Variants in LRRC4C observed in about 807,000 individuals in gnomAD.
LRRC4C encodes leucine rich repeat containing 4C.
A neutral mutation model predicts 33.6 loss-of-function variants in LRRC4C; 5 were observed. That is an observed-to-expected ratio of 0.15 (90% confidence interval 0.08 to 0.31). The LOEUF is 0.31. Ranked by LOEUF, LRRC4C falls within the 10% of genes least tolerant of loss-of-function variation. LRRC4C has a pLI of 1.00. For missense variants in LRRC4C, 560 were observed against 796.7 expected, an observed-to-expected ratio of 0.70 and a Z score of 3.58; for synonymous variants, 329 against 302.0, an observed-to-expected ratio of 1.09 and a Z score of -0.93.
chr11:40,932,098 A>G (rs1957654564), intron 2 of LRRC4C, among the ~76,000 whole-genome samples: 2 of 152,180 alleles, frequency 1.3e-5, no homozygotes, highest in South Asian at 4.1e-4. Flanking sequence ...GATATGGGAT[A>G]TAAAAGAGAA....
At chr11:41,389,345 C>G (rs1953489424) in intron 1 of LRRC4C, among the ~76,000 whole-genome samples, 1 of 151,762 alleles carries the variant, frequency 6.6e-6, no homozygotes, top group South Asian at 2.1e-4. Context: ...GTCCCTGATT[C>G]TGATTCTGAG....
At chr11:40,573,352 T>C (rs1256621963) in intron 3 of LRRC4C, among the ~76,000 whole-genome samples, 1 of 152,216 alleles carries the variant, frequency 6.6e-6, no homozygotes, top group East Asian at 1.9e-4. Context: ...TTTAGCTTCA[T>C]ATGTTCATCC....
At chr11:41,350,129 G>GA (rs1407974519) in intron 1 of LRRC4C, among the ~76,000 whole-genome samples, 1 of 152,178 alleles carries the variant, frequency 6.6e-6, no homozygotes, top group Admixed American at 6.5e-5. Context: ...GTATTATTAT[G>GA]AAATAGTTTT....
At chr11:40,463,945 T>C (rs986333262) in intron 3 of LRRC4C, among the ~76,000 whole-genome samples, 1 of 152,012 alleles carries the variant, frequency 6.6e-6, no homozygotes, top group African/African-American at 2.4e-5. Context: ...GAGAAATTAC[T>C]CTGAGAATAT....
At chr11:40,286,411 G>A (rs544261931) in intron 4 of LRRC4C, among the ~76,000 whole-genome samples, 2 of 152,158 alleles carry the variant, frequency 1.3e-5, no homozygotes, top group East Asian at 1.9e-4. Context: ...TCATAAGCCT[G>A]TGGCAAAGTT....
intron 2 of LRRC4C, among the ~76,000 whole-genome samples, chr11:40,684,430 T>C (rs1367065404): frequency 6.6e-6 from 1 of 151,976 alleles, no homozygotes; most frequent in East Asian, 1.9e-4. Context: ...TAACTCATAA[T>C]CAATCACATT....
chr11:40,872,599 C>T (rs1954706925), intron 2 of LRRC4C, among the ~76,000 whole-genome samples: 1 of 151,964 alleles, frequency 6.6e-6, no homozygotes, highest in Admixed American at 6.6e-5. Context: ...CTATATCTTT[C>T]CCGGATTTGG....
At position 40,825,128 on chromosome 11, in the gene LRRC4C, T is replaced by C. The variant is rs1433561717; in HGVS notation, c.-407+108507A>G. On this transcript the variant is annotated intron_variant, in intron 2 of 6. Coordinates refer to ENST00000528697, the MANE Select transcript of LRRC4C (RefSeq NM_001258419.2). ...GAGGTAGATGTTAAAACTTCCTTTT[T>C]ATATAAAGAGAAAACGAGACTCAGG... is the stretch of plus-strand genomic sequence containing the variant. Among the ~76,000 whole-genome samples, 3 of 152,132 alleles carry C rather than the reference T, an allele frequency of 2.0e-5. No homozygotes were observed. In the East Asian group the frequency reaches 5.8e-4, roughly 29 times the overall value.
At chr11:41,021,783 A>T (rs1856000909) in intron 1 of LRRC4C, among the ~76,000 whole-genome samples, 1 of 152,078 alleles carries the variant, frequency 6.6e-6, no homozygotes. Context: ...GTATTCTTTT[A>T]CAAAACATCC....
rs530828884 is a variant in LRRC4C, at chr11:40,657,322, A to C, written c.-406-9044T>G. On this transcript the variant is annotated intron_variant, in intron 2 of 6. Coordinates refer to ENST00000528697, the MANE Select transcript of LRRC4C (RefSeq NM_001258419.2). ...GGTCTAAGCTGGAATTTTCTCGTAT[A>C]AGTAGCTCCAAATATTTAAATGTGA... Among the ~76,000 whole-genome samples the C allele has an allele frequency of 5.3e-5, 8 of 152,328 alleles. No homozygotes were observed. In the South Asian group the frequency reaches 1.7e-3, roughly 32 times the overall value.
chr11:40,555,276 A>T (rs978008987), intron 3 of LRRC4C, among the ~76,000 whole-genome samples: 1 of 152,158 alleles, frequency 6.6e-6, no homozygotes, highest in Non-Finnish European at 1.5e-5. Context: ...CAGTGAATTA[A>T]TGTTAGTGTT....
chr11:40,131,930 A>T (rs890261004), intron 6 of LRRC4C, among the ~76,000 whole-genome samples: 13 of 152,148 alleles, frequency 8.5e-5, no homozygotes, highest in African/African-American at 3.1e-4. Flanking sequence ...TTTTCCATGA[A>T]ATTGTACAGT....
intron 2 of LRRC4C, among the ~76,000 whole-genome samples, chr11:40,714,233 C>G (rs1317474002): frequency 6.6e-6 from 1 of 152,118 alleles, no homozygotes; most frequent in Non-Finnish European, 1.5e-5. Context: ...CAGCCAGAAC[C>G]ACCATGTCAT....
chr11:41,280,069 A>G (rs1016488819), intron 1 of LRRC4C, among the ~76,000 whole-genome samples: 18 of 152,178 alleles, frequency 1.2e-4, no homozygotes, highest in African/African-American at 4.3e-4. Context: ...AATTTAATAT[A>G]TATCTCCCCA....
intron 5 of LRRC4C, among the ~76,000 whole-genome samples, chr11:40,212,471 T>TTAA (rs3039970): frequency 0.013 from 1,846 of 144,668 alleles, 15 homozygotes; most frequent in Admixed American, 0.019. Context: ...CAAGCAAAAT[T>TTAA]AAAAAAAAAA....
chr11:40,195,359 A>G (rs1269382654), intron 5 of LRRC4C, among the ~76,000 whole-genome samples: 1 of 152,158 alleles, frequency 6.6e-6, no homozygotes, highest in East Asian at 1.9e-4. Context: ...TGGAATAAGA[A>G]CCCAATTAGA....
chr11:40,703,629 T>A (rs549486365), intron 2 of LRRC4C, among the ~76,000 whole-genome samples: 2 of 152,184 alleles, frequency 1.3e-5, no homozygotes, highest in African/African-American at 4.8e-5. Context: ...ATCACAGTAT[T>A]TAGTTAATTA....
chr11:40,379,406 G>A lies in LRRC4C; in HGVS notation c.-269-59685C>T, dbSNP rs541539573. Among the ~76,000 whole-genome samples the A allele has an allele frequency of 2.6e-5, 4 of 152,156 alleles. No homozygotes were observed. In the East Asian group the frequency reaches 7.7e-4, roughly 29 times the overall value. ...CTTAAAATCCAAGTCTATTCCTATT[G>A]TGTGATATCTACCTTCACCCAAATC... On this transcript the variant is annotated intron_variant, in intron 3 of 6. Coordinates refer to ENST00000528697, the MANE Select transcript of LRRC4C (RefSeq NM_001258419.2).
At chr11:40,537,543 A>C (rs1956526312) in intron 3 of LRRC4C, among the ~76,000 whole-genome samples, 1 of 152,230 alleles carries the variant, frequency 6.6e-6, no homozygotes, top group African/African-American at 2.4e-5. Flanking sequence ...CAACTGATAG[A>C]GGCATTTTCA....
Sources: allele counts gnomAD v4.1 joint callset (sites outside exome capture counted in the v4.1 genomes callset), GRCh38; gene constraint gnomAD v4.1.1; transcripts MANE v1.5; gene names NCBI Gene and HGNC (gene_info 2026-07-23, HGNC 2026-07-21).